Variants in PCNX3 observed in about 807,000 individuals in gnomAD.
PCNX3 encodes the protein pecanex-like protein 3.
Under a neutral mutation model 207.2 loss-of-function variants are expected in PCNX3, and 58 were observed. That is an observed-to-expected ratio of 0.28 (90% CI 0.23 to 0.35). PCNX3 has a LOEUF of 0.35. PCNX3 is among the 10% of genes least tolerant of loss of function. The probability of loss-of-function intolerance (pLI) is 1.00; values close to 1 mark genes in which losing one functional copy is unlikely to be tolerated. For synonymous variants in PCNX3, 1,337 were observed against 1,183.5 expected (o/e 1.13, Z -2.66); for missense variants, 2,410 against 2,774.4 (o/e 0.87, Z 2.95).
chr11:65,616,284 G>GT lies in PCNX3; in HGVS notation c.-28_-27insT. On this transcript the variant is annotated 5_prime_UTR_variant, in exon 1 of 35. Coordinates refer to ENST00000355703, the MANE Select transcript of PCNX3 (RefSeq NM_032223.4). ...GCCGCCCCCATGAGGGTCCCGGGAG[G>GT]GGGGGCGCGGGCAGCAGCGGCGGGG... 6.5e-7 allele frequency: 1 copy of GT among 1,533,574 alleles called. No homozygotes were observed. Among genetic ancestry groups the GT allele is most frequent in the South Asian group, 1.2e-5 (1 of 82,584 alleles). 95.0% of individuals were successfully genotyped at this position (1,533,574 alleles called of 1,614,324 possible).
In PCNX3 at chr11:65,627,298, G is replaced by A. The variant is rs1166391719; in HGVS notation, c.3525-107G>A. On this transcript the variant is annotated intron_variant, in intron 21 of 34. Coordinates refer to ENST00000355703, the MANE Select transcript of PCNX3 (RefSeq NM_032223.4). ...AAAGAGCAGGGACCAGCCCAGCAGA[G>A]CAGAGGCCAGGGGTTGCTCTCCGGC... The A allele has an allele frequency of 1.1e-5, 14 of 1,285,846 alleles. No homozygotes were observed. In the East Asian group the frequency reaches 3.3e-4, roughly 30 times the overall value. 79.7% of individuals were successfully genotyped at this position (1,285,846 alleles called of 1,614,324 possible). A position where few individuals can be genotyped will look rare whatever the true frequency, so the allele number is the denominator to read the frequency against.
At chr11:65,616,699 G>T in intron 1 of PCNX3, 125 bp from the exon 2 acceptor site, 1 of 1,124,968 alleles carries the variant, frequency 8.9e-7, no homozygotes, top group Non-Finnish European at 1.3e-6. Flanking sequence ...TCTGTGTACT[G>T]GTTGTGTGGA....
chr11:65,620,484 G>A, intron 9 of PCNX3, 55 bp downstream of exon 9: 1 of 1,578,582 alleles, frequency 6.3e-7, no homozygotes, highest in East Asian at 2.2e-5. Context: ...TGCATCTCTG[G>A]GAAGTTCCCT....
In PCNX3 at chr11:65,618,054, G is replaced by A; in HGVS notation, c.692G>A (p.Ser231Asn). 1 of 1,606,580 alleles carries A rather than the reference G, an allele frequency of 6.2e-7. No individual in the cohort carries two copies. The highest frequency in any genetic ancestry group is 1.3e-5 in the African/African-American group (1 of 74,886). The change falls in exon 6 of 35, where the codon AGC becomes AAC. Residue 231 changes from serine to asparagine, a missense_variant. Physicochemically the swap from Ser to Asn is conservative, Grantham distance 46 (BLOSUM62 1). Transcript: ENST00000355703. ...AGDGAPWSGS[S>N]MADTPMSPLL... ...GATGGAGCGCCCTGGAGTGGGAGCAGCATGGCTGACACTCCCATGAGCCCC... is the reference window on the plus strand; with the variant it reads ...GATGGAGCGCCCTGGAGTGGGAGCAACATGGCTGACACTCCCATGAGCCCC...
Position 65,625,365 on chromosome 11 carries a change from A to G in PCNX3, c.3030-40A>G, listed in dbSNP as rs561730593. ...TGTGCCCGTGACTGGGGCCGGGGGGAAGGAGGGGCGGCCTCCTCCTGACTC... is the reference window on the plus strand; with the variant it reads ...TGTGCCCGTGACTGGGGCCGGGGGGGAGGAGGGGCGGCCTCCTCCTGACTC... On this transcript the variant is annotated intron_variant, in intron 17 of 34. Transcript: ENST00000355703. The surrounding 1 kb of genome is among the most constrained non-coding windows in gnomAD (Gnocchi z 5.6). 118 of 1,588,150 alleles carry G rather than the reference A, an allele frequency of 7.4e-5. No homozygotes were observed. The African/African-American group carries it at 1.5e-3, about 21-fold the overall frequency.
Position 65,625,724 on chromosome 11 carries a change from A to G in PCNX3, c.3208A>G (p.Thr1070Ala). The G allele has an allele frequency of 6.2e-7, 1 of 1,610,530 alleles. No homozygotes were observed. Among genetic ancestry groups the G allele is most frequent in the Non-Finnish European group, 8.5e-7 (1 of 1,179,700 alleles). Residue 1070 changes from threonine to alanine, a missense_variant, in exon 19 of 35, where the codon ACC becomes GCC. Physicochemically the swap from Thr to Ala is moderately conservative, Grantham distance 58. Around this residue, in one of 8 missense-constraint regions of PCNX3, gnomAD observed 333 missense variants for 386.8 expected, o/e 0.86. Coordinates refer to ENST00000355703, the MANE Select transcript of PCNX3 (RefSeq NM_032223.4). The surrounding 1 kb of genome is among the most constrained non-coding windows in gnomAD (Gnocchi z 5.6). ...AVLTFAISASTVFIALKSVLG... is the reference protein window; with the variant it reads ...AVLTFAISASAVFIALKSVLG... ...GCTCACCTTCGCCATCAGCGCCAGC[A>G]CCGTCTTTATTGCCCTGAAGGTTTG...
In PCNX3 at chr11:65,616,513, C is replaced by G. The variant is rs760165659; in HGVS notation, c.153+49C>G. 5.1e-6 allele frequency: 8 copies of G among 1,557,240 alleles called. No individual in the cohort carries two copies. The East Asian group carries it at 1.8e-4, about 36-fold the overall frequency. ...ACTCCAGCCGGGAGAGGGAGGGCAG[C>G]CTGGCAGGGATTCAGGGCAGTGCCC... On this transcript the variant is annotated intron_variant, in intron 1 of 34. Transcript: ENST00000355703.
Position 65,618,738 on chromosome 11 carries a change from G to C in PCNX3, c.1376G>C (p.Arg459Pro), listed in dbSNP as rs752624373. The stretch of plus-strand genomic sequence containing the variant: ...TCCTGCTACTCCCCTGAGAGCTCCC[G>C]GGGTGCAGCAGGGGGACCCCGGAAG... ...STSCYSPESS[R>P]GAAGGPRKRR... The change falls in exon 6 of 35, where the codon CGG (arginine) becomes CCG (proline). Residue 459 changes from arginine to proline, a missense_variant. Transcript: ENST00000355703. The C allele has an allele frequency of 6.2e-7, 1 of 1,612,170 alleles. No homozygotes were observed. Among genetic ancestry groups the C allele is most frequent in the Non-Finnish European group, 8.5e-7 (1 of 1,179,272 alleles).
Position 65,634,599 on chromosome 11 carries a change from G to A in PCNX3, c.4763G>A (p.Gly1588Asp), listed in dbSNP as rs1286418145. Residue 1588 changes from glycine (G) to aspartate (D), a missense_variant, in exon 29 of 35, where the codon GGC (glycine) becomes GAC (aspartate). Physicochemically the swap from Gly to Asp is moderately conservative, Grantham distance 94. This residue lies in a region of PCNX3 where 420 missense variants were observed against 705.3 expected (regional missense o/e 0.60). Transcript: ENST00000355703. ...VTLCFGLCVL[G>D]RRALGTASHS... ...CTGTGTTTTGGCCTGTGTGTGCTGG[G>A]CCGCCGGGCCCTGGGGACAGCCTCT... is the stretch of plus-strand genomic sequence containing the variant. The A allele has an allele frequency of 6.2e-7, 1 of 1,604,138 alleles. No homozygotes were observed. Among genetic ancestry groups the A allele is most frequent in the Admixed American group, 1.7e-5 (1 of 59,732 alleles).
In PCNX3 at chr11:65,636,515, C is replaced by T. The variant is rs773130833; in HGVS notation, c.5718C>T (p.Pro1906=). The T allele has an allele frequency of 3.8e-6, 6 of 1,583,530 alleles. No homozygotes were observed. In the South Asian group the frequency reaches 5.7e-5, roughly 15 times the overall value. Residue 1906 remains proline, a synonymous_variant, in exon 34 of 35, where the codon CCC becomes CCT. Transcript: ENST00000355703. The stretch of plus-strand genomic sequence containing the variant: ...CTCCCCCTCGGCTCCCTGGACCACC[C>T]CCTGCATCGCCTATCCCCACAGAGG... ...QWPPPRLPGP[P]PASPIPTEGP...
Position 65,619,727 on chromosome 11 carries a change from C to T in PCNX3, c.1830-27C>T, listed in dbSNP as rs1357444696. On this transcript the variant is annotated intron_variant, in intron 7 of 34. Coordinates refer to ENST00000355703, the MANE Select transcript of PCNX3 (RefSeq NM_032223.4). ...GGGAGGGCCCGCAAGCTCTAGCTGG[C>T]GCTGACCTGGGGCTGACCCTCTCCA... is the stretch of plus-strand genomic sequence containing the variant. The T allele has an allele frequency of 5.8e-6, 9 of 1,561,294 alleles. No individual in the cohort carries two copies. In the African/African-American group the frequency reaches 6.7e-5, roughly 12 times the overall value.
chr11:65,625,158 A>G lies in PCNX3; in HGVS notation c.2920-13A>G, dbSNP rs375524630. ...ACCTCACCTCCCCTGACCAGCATGG[A>G]TTCTCTCCGCAGACTCCGTGGCCAG... On this transcript the variant is annotated splice_polypyrimidine_tract_variant and intron_variant, in intron 16 of 34. Coordinates refer to ENST00000355703, the MANE Select transcript of PCNX3 (RefSeq NM_032223.4). The surrounding 1 kb of genome is among the most constrained non-coding windows in gnomAD (Gnocchi z 5.6). 9.4e-6 allele frequency: 15 copies of G among 1,594,744 alleles called. No homozygotes were observed. The African/African-American group carries it at 1.9e-4, about 20-fold the overall frequency.
Position 65,628,852 on chromosome 11 carries a change from C to T in PCNX3, c.3845C>T (p.Ser1282Leu). Residue 1282 changes from serine (S) to leucine (L), a missense_variant, in exon 24 of 35, where the codon TCG becomes TTG. Physicochemically the swap from Ser to Leu is moderately radical, Grantham distance 145. Coordinates refer to ENST00000355703, the MANE Select transcript of PCNX3 (RefSeq NM_032223.4). ...SAMLFVQALL[S>L]GLFSTPLNPL... ...ATGCTGTTCGTCCAGGCCCTGCTCT[C>T]GGGGCTCTTCTCCACGCCTCTCAAC... is the stretch of plus-strand genomic sequence containing the variant. The T allele has an allele frequency of 6.2e-7, 1 of 1,612,356 alleles. No individual in the cohort carries two copies. Among genetic ancestry groups the T allele is most frequent in the East Asian group, 2.2e-5 (1 of 44,880 alleles).
rs544222588 is a variant in PCNX3, at chr11:65,623,981, C to T, written c.2544+20C>T. 1.9e-5 allele frequency: 31 copies of T among 1,610,294 alleles called. No homozygotes were observed. The Middle Eastern group carries it at 5.0e-4, about 26-fold the overall frequency. Reference sequence around the variant, plus strand: ...ATGCACGTGAGTACCCATGGAGCAGCGCCTCTGGCCAGGAGGCCCCGGGAG... The same window carrying T: ...ATGCACGTGAGTACCCATGGAGCAGTGCCTCTGGCCAGGAGGCCCCGGGAG... On this transcript the variant is annotated intron_variant, in intron 13 of 34. Transcript: ENST00000355703.
At chr11:65,627,102 G>T (rs920888934) in intron 21 of PCNX3, 54 bp downstream of exon 21, 4 of 1,453,986 alleles carry the variant, frequency 2.8e-6, no homozygotes, top group African/African-American at 2.9e-5. Context: ...CTTTTGATCC[G>T]TGGGGAAACT....
At chr11:65,632,402 C>T (rs1323274280) in intron 27 of PCNX3, among the ~76,000 whole-genome samples, 2 of 151,182 alleles carry the variant, frequency 1.3e-5, no homozygotes, top group African/African-American at 4.9e-5. Flanking sequence ...CGAGGTTGGC[C>T]AGTCGAGGCG....
In PCNX3 at chr11:65,627,468, C is replaced by G. The variant is rs371471793; in HGVS notation, c.3588C>G (p.Pro1196=). The G allele has an allele frequency of 1.9e-6, 3 of 1,613,518 alleles. No homozygotes were observed. Among genetic ancestry groups the G allele is most frequent in the African/African-American group, 1.3e-5 (1 of 74,920 alleles). ...TGCTGCGCTCAGCCTTCTGCTGCCC[C>G]CCACAGCAGTACCTGACGTTGGCCT... ...LKLLRSAFCC[P]PQQYLTLAFT... The change falls in exon 22 of 35, where the codon CCC becomes CCG. Residue 1196 remains proline, a synonymous_variant. Transcript: ENST00000355703.
rs1855345581 is a variant in PCNX3 at position 65,625,578 on chromosome 11, T to C, written c.3135+68T>C. On this transcript the variant is annotated intron_variant, in intron 18 of 34. Transcript: ENST00000355703. This position sits in a 1 kb window ranked among gnomAD's most constrained non-coding sequence, Gnocchi z 5.6. ...GGTCCTGGGGTTCCTGGGAGGGGCATGTCCAGCTTGGGCTGCTGGGCAGCT... is the reference window on the plus strand; with the variant it reads ...GGTCCTGGGGTTCCTGGGAGGGGCACGTCCAGCTTGGGCTGCTGGGCAGCT... 3.8e-6 allele frequency: 6 copies of C among 1,582,798 alleles called. No homozygotes were observed. The highest frequency in any genetic ancestry group is 2.3e-5 in the South Asian group (2 of 88,266).
rs770793439 is a variant in PCNX3, at chr11:65,635,436, C to T, written c.5172C>T (p.Phe1724=). Residue 1724 remains phenylalanine, a synonymous_variant, in exon 31 of 35, where the codon TTC becomes TTT. Coordinates refer to ENST00000355703, the MANE Select transcript of PCNX3 (RefSeq NM_032223.4). The surrounding 1 kb of genome is among the most constrained non-coding windows in gnomAD (Gnocchi z 9.9). ...IIMLNRRHLS[F]RVIKVNRECV... is the part of the protein sequence containing the mutation. ...TGCTCAACCGGCGCCACCTCAGCTT[C>T]CGAGTCATCAAGGTTGGGCCGGCCC... is the stretch of plus-strand genomic sequence containing the variant. The T allele has an allele frequency of 4.3e-6, 7 of 1,610,936 alleles. No homozygotes were observed. In the South Asian group the frequency reaches 6.6e-5, roughly 15 times the overall value.
Sources: allele counts gnomAD v4.1 joint callset (sites outside exome capture counted in the v4.1 genomes callset), GRCh38; gene constraint gnomAD v4.1.1; regional missense constraint gnomAD v4.1.1; non-coding constraint Gnocchi (gnomAD v3.1); transcripts MANE v1.5; gene names NCBI Gene and HGNC (gene_info 2026-07-23, HGNC 2026-07-21).